The following YAP1 variants were observed in gnomAD, a reference collection of about 807,000 sequenced individuals.
The protein encoded by YAP1 is transcriptional coactivator YAP1.
A neutral mutation model predicts 56.9 loss-of-function variants in YAP1; 5 were observed. That is an observed-to-expected ratio of 0.09 (90% CI 0.05 to 0.18). YAP1 has a LOEUF of 0.18. Ranked by LOEUF, YAP1 falls within the 10% of genes least tolerant of loss-of-function variation. The pLI is 1.00. For missense variants in YAP1, 539 were observed against 651.8 expected (o/e 0.83, Z 1.88); for synonymous variants, 265 against 248.1 (o/e 1.07, Z -0.64).
intron 6 of YAP1, among the ~76,000 whole-genome samples, chr11:102,217,632 T>G (rs1296101247): frequency 6.6e-6 from 1 of 152,180 alleles, no homozygotes; most frequent in East Asian, 1.9e-4. Context: ...AAGCAGATGA[T>G]TAGCTTCTGA....
At chr11:102,178,637 A>T (rs889208335) in intron 3 of YAP1, among the ~76,000 whole-genome samples, 12 of 152,202 alleles carry the variant, frequency 7.9e-5, no homozygotes, top group African/African-American at 2.9e-4. Context: ...AATCTTACAT[A>T]AAAACTCGCT....
At chr11:102,168,296 A>T (rs1591300190) in intron 3 of YAP1, among the ~76,000 whole-genome samples, 1 of 152,254 alleles carries the variant, frequency 6.6e-6, no homozygotes, top group East Asian at 1.9e-4. Flanking sequence ...TTCAAGGGAC[A>T]GTAAAGTCAA....
At chr11:102,138,809 A>G (rs1007408253) in intron 2 of YAP1, among the ~76,000 whole-genome samples, 1 of 152,220 alleles carries the variant, frequency 6.6e-6, no homozygotes, top group Non-Finnish European at 1.5e-5. Flanking sequence ...GGGTATCTAT[A>G]TACATAAATA....
At chr11:102,225,779 T>G (rs1379782465) in intron 7 of YAP1, among the ~76,000 whole-genome samples, 1 of 152,184 alleles carries the variant, frequency 6.6e-6, no homozygotes, top group Non-Finnish European at 1.5e-5. Context: ...ATTAGTATAT[T>G]TGTTCATTTC....
chr11:102,129,239 A>AT (rs5794156), intron 2 of YAP1, among the ~76,000 whole-genome samples: 12,312 of 151,844 alleles, frequency 0.081, 784 homozygotes, highest in African/African-American at 0.16. Flanking sequence ...TCATAGAATA[A>AT]TTTTTTTTTC....
chr11:102,177,348 G>A (rs1947320408), intron 3 of YAP1, among the ~76,000 whole-genome samples: 1 of 152,198 alleles, frequency 6.6e-6, no homozygotes, highest in Non-Finnish European at 1.5e-5. Context: ...GGTGAGGTAA[G>A]ATGATCATGT....
In YAP1 at chr11:102,127,568, G is replaced by A. The variant is rs182962587; in HGVS notation, c.572+13174G>A. Among the ~76,000 whole-genome samples, 882 of 152,358 alleles carry A rather than the reference G, an allele frequency of 5.8e-3. 10 individuals carry two copies. The highest frequency in any genetic ancestry group is 0.02 in the African/African-American group (842 of 41,586). ...CTGGATGTGTGGGCAAAAGTTTGCT[G>A]CAGGGGCGGGGCCCTGATGGAGAAC... is the stretch of plus-strand genomic sequence containing the variant. On this transcript the variant is annotated intron_variant, in intron 2 of 8. Coordinates refer to ENST00000282441, the MANE Select transcript of YAP1 (RefSeq NM_001130145.3).
chr11:102,161,210 C>T (rs189915819), intron 2 of YAP1, among the ~76,000 whole-genome samples: 172 of 151,368 alleles, frequency 1.1e-3, no homozygotes, highest in African/African-American at 3.9e-3. Flanking sequence ...TACAGGCGCC[C>T]GCCACCACGC....
At chr11:102,150,004 T>TTTTA (rs869049399) in intron 2 of YAP1, among the ~76,000 whole-genome samples, 1 of 105,198 alleles carries the variant, frequency 9.5e-6, no homozygotes, top group African/African-American at 3.2e-5. Context: ...TTTTTTTTTT[T>TTTTA]GAGACAGTCT....
At chr11:102,189,293 A>T (rs1160757681) in intron 4 of YAP1, among the ~76,000 whole-genome samples, 1 of 152,146 alleles carries the variant, frequency 6.6e-6, no homozygotes, top group African/African-American at 2.4e-5. Flanking sequence ...GACATTTTCC[A>T]GTAAAAGGCC....
intron 2 of YAP1, among the ~76,000 whole-genome samples, chr11:102,140,932 C>G (rs1013477941): frequency 6.6e-6 from 1 of 152,090 alleles, no homozygotes; most frequent in Non-Finnish European, 1.5e-5. Flanking sequence ...GTGGCAGTTA[C>G]AACTGAGAGA....
chr11:102,121,634 G>A (rs578201763), intron 2 of YAP1, among the ~76,000 whole-genome samples: 1 of 152,198 alleles, frequency 6.6e-6, no homozygotes, highest in South Asian at 2.1e-4. Flanking sequence ...CACCTCAGTT[G>A]TCAGATCCAA....
intron 2 of YAP1, among the ~76,000 whole-genome samples, chr11:102,151,532 A>G (rs987250344): frequency 7.9e-5 from 12 of 152,092 alleles, no homozygotes; most frequent in African/African-American, 2.7e-4. Flanking sequence ...ATATTCATTT[A>G]TAGATCATTT....
chr11:102,201,248 C>T (rs191016684), intron 4 of YAP1, among the ~76,000 whole-genome samples: 2 of 152,212 alleles, frequency 1.3e-5, no homozygotes, highest in African/African-American at 4.8e-5. Flanking sequence ...AGAGTTATCT[C>T]AGGATATATT....
At chr11:102,132,147 G>C (rs1944402901) in intron 2 of YAP1, among the ~76,000 whole-genome samples, 2 of 152,070 alleles carry the variant, frequency 1.3e-5, no homozygotes, top group African/African-American at 2.4e-5. Flanking sequence ...AGTGATACCG[G>C]TGAGCAGACA....
In YAP1 at chr11:102,174,366, A is replaced by G. The variant is rs185012983; in HGVS notation, c.689-11652A>G. ...CCACTCCCAGCACTTTGGGAGGCCA[A>G]CGCGGGCAGATCATGAGGTCAACAG... On this transcript the variant is annotated intron_variant, in intron 3 of 8. Coordinates refer to ENST00000282441, the MANE Select transcript of YAP1 (RefSeq NM_001130145.3). 2.1e-3 allele frequency among the ~76,000 whole-genome samples: 321 copies of G among 152,246 alleles called. 4 individuals carry two copies. Among genetic ancestry groups the G allele is most frequent in the African/African-American group, 7.5e-3 (311 of 41,532 alleles).
chr11:102,125,705 G>A (rs1174588594), intron 2 of YAP1, among the ~76,000 whole-genome samples: 1 of 152,036 alleles, frequency 6.6e-6, no homozygotes, highest in Admixed American at 6.5e-5. Flanking sequence ...AATTTACAGT[G>A]AGTCTTTTCT....
chr11:102,151,732 AGGTTTAGTGC>A (rs577280265), intron 2 of YAP1, among the ~76,000 whole-genome samples: 6 of 152,164 alleles, frequency 3.9e-5, no homozygotes, highest in Non-Finnish European at 8.8e-5. Context: ...TGTTTGGCTT[AGGTTTAGTGC>A]GGTTTTTTTG....
intron 2 of YAP1, among the ~76,000 whole-genome samples, chr11:102,120,389 G>C (rs945465803): frequency 4.6e-5 from 7 of 152,214 alleles, no homozygotes; most frequent in Non-Finnish European, 1.0e-4. Flanking sequence ...CACCAACCAA[G>C]TGATAGTCTG....
Sources: allele counts gnomAD v4.1 joint callset (sites outside exome capture counted in the v4.1 genomes callset), GRCh38; gene constraint gnomAD v4.1.1; transcripts MANE v1.5; gene names NCBI Gene and HGNC (gene_info 2026-07-23, HGNC 2026-07-21).